The following PRDM1 variants were observed in gnomAD, a reference collection of about 807,000 sequenced individuals.
The protein encoded by PRDM1 is PR/SET domain 1, also known as PR domain zinc finger protein 1.
A neutral mutation model predicts 62.8 loss-of-function variants in PRDM1; 13 were observed. That is an observed-to-expected ratio of 0.21 (90% CI 0.13 to 0.33). The LOEUF (loss-of-function observed/expected upper bound fraction) is 0.33, where lower values mean the gene tolerates loss of function less well. PRDM1 is among the 10% of genes least tolerant of loss of function. PRDM1 has a pLI of 1.00. For synonymous variants in PRDM1, 396 were observed against 417.6 expected, an observed-to-expected ratio of 0.95 and a Z score of 0.63; for missense variants, 895 against 1,058.8, an observed-to-expected ratio of 0.85 and a Z score of 2.15.
chr6:106,068,532 G>C (rs1773467752), intron 1 of PRDM1, among the ~76,000 whole-genome samples: 1 of 151,972 alleles, frequency 6.6e-6, no homozygotes, highest in East Asian at 1.9e-4. Context: ...ATTTAAATTT[G>C]TATTTATAGA....
chr6:106,012,330 CCA>C (rs1423664856), intron 1 of PRDM1, among the ~76,000 whole-genome samples: 1 of 145,000 alleles, frequency 6.9e-6, no homozygotes, highest in Non-Finnish European at 1.5e-5. Flanking sequence ...CATTCACACA[CCA>C]CACACACACA....
chr6:106,008,432 A>G (rs529974500), intron 1 of PRDM1, among the ~76,000 whole-genome samples: 8 of 152,282 alleles, frequency 5.3e-5, no homozygotes, highest in African/African-American at 1.9e-4. Flanking sequence ...AATCTTCTCC[A>G]TGTGCCGAGC....
At position 106,107,009 on chromosome 6, in the gene PRDM1, G is replaced by A; in HGVS notation, c.2001G>A (p.Lys667=). The change falls in exon 7 of 7, where the codon AAG becomes AAA. Residue 667 remains lysine, a synonymous_variant. Coordinates refer to ENST00000369096, the MANE Select transcript of PRDM1 (RefSeq NM_001198.4). The part of the protein sequence containing the change: ...KPYQCKVCPA[K]FTQFVHLKLH... ...ACCAATGCAAGGTGTGCCCTGCCAA[G>A]TTCACCCAGTTTGTGCACCTGAAAC... 1 of 1,614,184 alleles carries A rather than the reference G, an allele frequency of 6.2e-7. No homozygotes were observed. The highest frequency in any genetic ancestry group is 8.5e-7 in the Non-Finnish European group (1 of 1,180,042).
chr6:105,993,772 G>T (rs1204922271), intron 1 of PRDM1, among the ~76,000 whole-genome samples: 4 of 152,230 alleles, frequency 2.6e-5, no homozygotes, highest in Non-Finnish European at 5.9e-5. Context: ...TAAAAGAGTG[G>T]TGGTATGGGG....
At position 106,099,468 on chromosome 6, in the gene PRDM1, C is replaced by G. The variant is rs369318038; in HGVS notation, c.580C>G (p.Gln194Glu). The G allele has an allele frequency of 6.2e-7, 1 of 1,614,218 alleles. No individual in the cohort carries two copies. Among genetic ancestry groups the G allele is most frequent in the Non-Finnish European group, 8.5e-7 (1 of 1,180,042 alleles). The change falls in exon 4 of 7, where the codon CAG (glutamine) becomes GAG (glutamate). Residue 194 changes from glutamine to glutamate, a missense_variant. Coordinates refer to ENST00000369096, the MANE Select transcript of PRDM1 (RefSeq NM_001198.4). ...FYTIKPIPAN[Q>E]ELLVWYCRDF... is the part of the protein sequence containing the mutation. Reference sequence around the variant, plus strand: ...CACCATTAAGCCCATCCCTGCCAACCAGGAACTTCTTGTGTGGTATTGTCG... The same window carrying G: ...CACCATTAAGCCCATCCCTGCCAACGAGGAACTTCTTGTGTGGTATTGTCG...
chr6:106,085,707 G>A (rs182477930), upstream of PRDM1, among the ~76,000 whole-genome samples: 1 of 152,294 alleles, frequency 6.6e-6, no homozygotes, highest in Admixed American at 6.5e-5. Context: ...TCAGCCTGTG[G>A]GTTCTGGGAG....
intron 1 of PRDM1, among the ~76,000 whole-genome samples, chr6:106,067,317 T>A (rs565777468): frequency 6.6e-6 from 1 of 152,326 alleles, no homozygotes; most frequent in East Asian, 1.9e-4. Context: ...TTCCTGTAAA[T>A]GTAATATCTA....
chr6:106,016,283 G>A (rs1004952478), intron 1 of PRDM1, among the ~76,000 whole-genome samples: 7 of 152,166 alleles, frequency 4.6e-5, no homozygotes, highest in Non-Finnish European at 8.8e-5. Context: ...ATGCTGCTAT[G>A]AATCTTCTAG....
intron 1 of PRDM1, among the ~76,000 whole-genome samples, chr6:106,056,118 T>C (rs941703363): frequency 6.6e-6 from 1 of 152,178 alleles, no homozygotes; most frequent in African/African-American, 2.4e-5. Flanking sequence ...CATAATTCCT[T>C]ACAGATGAAG....
At chr6:106,101,646 C>T (rs1247690937) in intron 4 of PRDM1, among the ~76,000 whole-genome samples, 6 of 152,200 alleles carry the variant, frequency 3.9e-5, no homozygotes, top group Admixed American at 3.9e-4. Flanking sequence ...TTGTCTTAGG[C>T]GTGGCAGCTG....
At position 106,077,453 on chromosome 6, in the gene PRDM1, G is replaced by A. The variant is rs895380164; in HGVS notation, c.-66-10748G>A. On this transcript the variant is annotated intron_variant, in intron 1 of 6. Coordinates refer to the PRDM1 transcript ENST00000651185. ...AGCCCAAGGCTCCCTGTTTTCCATA[G>A]ACACTGCCTGAACTGGAAGCCAGGT... Among the ~76,000 whole-genome samples, 6 of 152,206 alleles carry A rather than the reference G, an allele frequency of 3.9e-5. 1 individual carries two copies. Among genetic ancestry groups the A allele is most frequent in the Admixed American group, 3.9e-4 (6 of 15,276 alleles).
chr6:106,098,137 G>C, intron 3 of PRDM1: 1 of 938,282 alleles, frequency 1.1e-6, no homozygotes, highest in Non-Finnish European at 1.3e-6. Flanking sequence ...ATAACCTGCT[G>C]TCCGGTGAGC....
At chr6:106,095,798 G>A (rs983625206) in intron 3 of PRDM1, 64 bp downstream of exon 3, 2 of 1,568,012 alleles carry the variant, frequency 1.3e-6, no homozygotes, top group Non-Finnish European at 8.7e-7. Context: ...AAAAGAGCTG[G>A]GTGGCTCACC....
chr6:106,105,387 C>T lies in PRDM1; in HGVS notation c.1227C>T (p.His409=), dbSNP rs1278971545. ...PPAFIPSYNA[H]YPKFLLPPYG... Reference sequence around the variant, plus strand: ...CTTTCATCCCCTCGTACAACGCTCACTACCCCAAGTTCCTCTTGCCCCCCT... The same window carrying T: ...CTTTCATCCCCTCGTACAACGCTCATTACCCCAAGTTCCTCTTGCCCCCCT... Residue 409 remains histidine (H), a synonymous_variant, in exon 5 of 7, where the codon CAC becomes CAT. Coordinates refer to ENST00000369096, the MANE Select transcript of PRDM1 (RefSeq NM_001198.4). 17 of 1,614,176 alleles carry T rather than the reference C, an allele frequency of 1.1e-5. No individual in the cohort carries two copies. The highest frequency in any genetic ancestry group is 1.4e-5 in the Non-Finnish European group (16 of 1,180,026).
chr6:106,017,511 C>T (rs1772637155), intron 1 of PRDM1, among the ~76,000 whole-genome samples: 1 of 152,188 alleles, frequency 6.6e-6, no homozygotes, highest in Admixed American at 6.5e-5. Context: ...CCACCCTACC[C>T]TTGCCGGAGG....
upstream of PRDM1, among the ~76,000 whole-genome samples, chr6:106,044,304 A>G (rs1356500384): frequency 6.6e-6 from 1 of 151,498 alleles, no homozygotes; most frequent in African/African-American, 2.4e-5. Flanking sequence ...AACTGTTTAG[A>G]AGAATTTAAA....
intron 1 of PRDM1, among the ~76,000 whole-genome samples, chr6:106,079,066 T>C (rs1404487560): frequency 6.6e-6 from 1 of 151,936 alleles, no homozygotes; most frequent in Non-Finnish European, 1.5e-5. Context: ...GTTCAAGCGA[T>C]TCTCGTGTCT....
In PRDM1 at chr6:106,105,744, G is replaced by A; in HGVS notation, c.1584G>A (p.Val528=). The change falls in exon 5 of 7, where the codon GTG becomes GTA. Residue 528 remains valine, a synonymous_variant. Coordinates refer to ENST00000369096, the MANE Select transcript of PRDM1 (RefSeq NM_001198.4). ...GAACAGCCGCCACGGCAGAACATGT[G>A]GTGCAGCCCAAAGCTACCTCAGCAG... ...TAGTAATAEH[V]VQPKATSAAM... is the part of the protein sequence containing the mutation. 2 of 1,614,114 alleles carry A rather than the reference G, an allele frequency of 1.2e-6. No homozygotes were observed. The highest frequency in any genetic ancestry group is 1.7e-6 in the Non-Finnish European group (2 of 1,180,030).
At chr6:106,099,642 C>T (rs549092328) in intron 4 of PRDM1, 90 bp downstream of exon 4, 1 of 1,516,178 alleles carries the variant, frequency 6.6e-7, no homozygotes, top group East Asian at 2.3e-5. Context: ...AATTATACGG[C>T]TTTGTCATGT....
Sources: gnomAD v4.1 joint callset for allele counts (sites outside exome capture counted in the v4.1 genomes callset) on GRCh38, gnomAD v4.1.1 for gene constraint, MANE v1.5 for transcripts, NCBI Gene and HGNC (gene_info 2026-07-23, HGNC 2026-07-21) for gene names.